PCLO: variants seen among roughly 807,000 people sequenced by gnomAD.
PCLO encodes the protein piccolo presynaptic cytomatrix protein, also known as protein piccolo.
In PCLO, 82 loss-of-function variants were observed where a neutral mutation model predicts 427.5. The ratio of observed to expected loss-of-function variants is 0.19; its 90% CI spans 0.16 to 0.23. PCLO has a LOEUF of 0.23. PCLO is among the 10% of genes least tolerant of loss of function. The pLI, the probability that PCLO is intolerant of heterozygous loss-of-function variation, is 1.00. For missense variants in PCLO, 6,239 were observed against 6,115.9 expected, an observed-to-expected ratio of 1.02 and a Z score of -0.67; for synonymous variants, 2,357 against 2,155.4, an observed-to-expected ratio of 1.09 and a Z score of -2.59.
chr7:82,977,871 C>G (rs183628351), intron 3 of PCLO, among the ~76,000 whole-genome samples: 2 of 152,208 alleles, frequency 1.3e-5, no homozygotes, highest in Admixed American at 1.3e-4. Flanking sequence ...TAACTACTGT[C>G]CTAAGTATTA....
At chr7:83,094,454 G>A (rs1033687160) in intron 3 of PCLO, among the ~76,000 whole-genome samples, 2 of 152,076 alleles carry the variant, frequency 1.3e-5, no homozygotes, top group Non-Finnish European at 2.9e-5. Flanking sequence ...TGATCCGCCT[G>A]CCTCGGCCTC....
Position 82,846,648 on chromosome 7 carries a change from CA to C in PCLO, c.13764-15del. 6.4e-7 allele frequency: 1 copy of C among 1,554,606 alleles called. No individual in the cohort carries two copies. The highest frequency in any genetic ancestry group is 1.2e-5 in the South Asian group (1 of 86,126). ...ATATTGAGGTCCCTAAAAATTAAAA[CA>C]AAACATTAAGAAAGATATTGAGGAA... is the stretch of plus-strand genomic sequence containing the variant. On this transcript the variant is annotated splice_polypyrimidine_tract_variant and intron_variant, in intron 11 of 24. Coordinates refer to ENST00000333891, the MANE Select transcript of PCLO (RefSeq NM_033026.6).
At chr7:82,997,535 A>G (rs1787656403) in intron 3 of PCLO, among the ~76,000 whole-genome samples, 1 of 152,046 alleles carries the variant, frequency 6.6e-6, no homozygotes, top group Non-Finnish European at 1.5e-5. Flanking sequence ...AAATCTGAAA[A>G]GAGATCTCCC....
intron 3 of PCLO, among the ~76,000 whole-genome samples, chr7:83,029,826 T>C (rs1037728533): frequency 5.6e-5 from 8 of 142,910 alleles, no homozygotes; most frequent in Admixed American, 4.9e-4. Context: ...ATGGATGAAA[T>C]TGGAAATCAT....
intron 2 of PCLO, among the ~76,000 whole-genome samples, chr7:83,146,757 C>A (rs889100234): frequency 6.6e-6 from 1 of 152,014 alleles, no homozygotes; most frequent in African/African-American, 2.4e-5. Context: ...CCCACCACCA[C>A]GCCCAGCTAA....
Position 83,155,666 on chromosome 7 carries a change from C to T in PCLO, c.975G>A (p.Gln325=). The T allele has an allele frequency of 6.2e-7, 1 of 1,613,056 alleles. No homozygotes were observed. The change falls in exon 2 of 25, where the codon CAG becomes CAA. Residue 325 remains glutamine (Q), a synonymous_variant. Transcript: ENST00000333891. The part of the protein sequence containing the change: ...PAQQPGHEKS[Q]PGPAKPPAQP... ...GAGCTGGGGGCTTTGCAGGCCCAGG[C>T]TGTGATTTTTCATGTCCAGGCTGCT... is the stretch of plus-strand genomic sequence containing the variant.
intron 3 of PCLO, among the ~76,000 whole-genome samples, chr7:83,127,262 G>GA (rs994939809): frequency 6.6e-5 from 10 of 151,494 alleles, no homozygotes; most frequent in Non-Finnish European, 8.9e-5. Context: ...AATGTTTAGT[G>GA]AAAAAAAATC....
intron 3 of PCLO, among the ~76,000 whole-genome samples, chr7:83,064,656 G>T (rs1049346245): frequency 6.6e-6 from 1 of 151,908 alleles, no homozygotes; most frequent in South Asian, 2.1e-4. Context: ...ACAGGATGGG[G>T]ACAAAAGTTA....
At chr7:82,785,517 C>T (rs1207093813) in intron 22 of PCLO, among the ~76,000 whole-genome samples, 2 of 152,056 alleles carry the variant, frequency 1.3e-5, no homozygotes, top group Non-Finnish European at 2.9e-5. Flanking sequence ...TTTCTATAGC[C>T]CACTATCTTC....
At chr7:83,041,611 T>C (rs1788975379) in intron 3 of PCLO, among the ~76,000 whole-genome samples, 1 of 152,176 alleles carries the variant, frequency 6.6e-6, no homozygotes, top group Non-Finnish European at 1.5e-5. Context: ...ATTTTTAATA[T>C]CTTTTCAAGC....
At chr7:82,921,889 A>C (rs867270381) in intron 6 of PCLO, among the ~76,000 whole-genome samples, 6 of 151,842 alleles carry the variant, frequency 4.0e-5, no homozygotes, top group Non-Finnish European at 7.4e-5. Context: ...AACAAAAAAA[A>C]ACACACAATC....
intron 22 of PCLO, among the ~76,000 whole-genome samples, chr7:82,776,910 A>ATG (rs1562781312): frequency 9.1e-5 from 13 of 142,762 alleles, no homozygotes; most frequent in African/African-American, 3.6e-4. Flanking sequence ...ATATACGCAC[A>ATG]CACACACACA....
In PCLO at chr7:83,024,961, C is replaced by T. The variant is rs956714016; in HGVS notation, c.3301-58474G>A. Among the ~76,000 whole-genome samples the T allele has an allele frequency of 1.2e-4, 18 of 152,256 alleles. No homozygotes were observed. The East Asian group carries it at 1.7e-3, about 15-fold the overall frequency. On this transcript the variant is annotated intron_variant, in intron 3 of 24. Coordinates refer to ENST00000333891, the MANE Select transcript of PCLO (RefSeq NM_033026.6). ...CACCAAAAACCCATCTGTACATCAC[C>T]ATCATCAAAGACCAAAAGTAGATAA... is the stretch of plus-strand genomic sequence containing the variant.
chr7:83,034,468 A>C (rs1788745986), intron 3 of PCLO, among the ~76,000 whole-genome samples: 1 of 152,226 alleles, frequency 6.6e-6, no homozygotes, highest in Non-Finnish European at 1.5e-5. Flanking sequence ...GATTATAGGC[A>C]AAAGCCATCA....
At chr7:82,834,481 G>A (rs1029636931) in intron 16 of PCLO, among the ~76,000 whole-genome samples, 7 of 152,146 alleles carry the variant, frequency 4.6e-5, no homozygotes, top group Non-Finnish European at 1.0e-4. Flanking sequence ...ACGTATTTAT[G>A]CTTTTAAAAA....
At chr7:83,025,374 TG>T (rs1788465581) in intron 3 of PCLO, among the ~76,000 whole-genome samples, 1 of 149,736 alleles carries the variant, frequency 6.7e-6, no homozygotes, top group Non-Finnish European at 1.5e-5. Flanking sequence ...ATGAAATGAA[TG>T]AAATGAAGCG....
chr7:82,916,655 A>G lies in PCLO; in HGVS notation c.11331T>C (p.Ser3777=). The G allele has an allele frequency of 3.1e-6, 5 of 1,613,510 alleles. No homozygotes were observed. Among genetic ancestry groups the G allele is most frequent in the Non-Finnish European group, 4.2e-6 (5 of 1,179,732 alleles). ...CTGCTTGTTTCTTTCGAAGTTTTGC[A>G]GACTCCCTTTCCACAAGATCAAGCT... ...DRELDLVERE[S]AKLRKKQAEL... Residue 3777 remains serine (S), a synonymous_variant, in exon 7 of 25, where the codon TCT becomes TCC. Transcript: ENST00000333891.
chr7:82,951,995 C>A lies in PCLO; in HGVS notation c.8958G>T (p.Gly2986=). 6.2e-7 allele frequency: 1 copy of A among 1,613,910 alleles called. No individual in the cohort carries two copies. The highest frequency in any genetic ancestry group is 8.5e-7 in the Non-Finnish European group (1 of 1,179,834). ...YDRSGPYGYR[G]IGGMKPSMSD... is the part of the protein sequence containing the mutation. ...ACATGGAAGGCTTCATTCCCCCAAT[C>A]CCTCTATAACCATATGGCCCTGATC... The change falls in exon 5 of 25, where the codon GGG becomes GGT. Residue 2986 remains glycine, a synonymous_variant. Coordinates refer to ENST00000333891, the MANE Select transcript of PCLO (RefSeq NM_033026.6).
At chr7:83,148,641 T>C (rs1482304833) in intron 2 of PCLO, among the ~76,000 whole-genome samples, 1 of 152,210 alleles carries the variant, frequency 6.6e-6, no homozygotes, top group Admixed American at 6.5e-5. Context: ...GTATGTTAAC[T>C]ATAGAGAAAA....
Sources: allele counts gnomAD v4.1 joint callset (sites outside exome capture counted in the v4.1 genomes callset), GRCh38; gene constraint gnomAD v4.1.1; transcripts MANE v1.5; gene names NCBI Gene and HGNC (gene_info 2026-07-23, HGNC 2026-07-21).